The following IST1 variants were observed in gnomAD, a reference collection of about 807,000 sequenced individuals.
IST1 encodes IST1 homolog.
In IST1, 23 loss-of-function variants were observed where a neutral mutation model predicts 37.0. That is an observed-to-expected ratio of 0.62 (90% CI 0.45 to 0.88). IST1 has a LOEUF of 0.88. Among genes scored for constraint, IST1 ranks in the 40% least tolerant of loss-of-function variants. The probability of loss-of-function intolerance (pLI) is 0.00; values close to 1 mark genes in which losing one functional copy is unlikely to be tolerated. For synonymous variants in IST1, 180 were observed against 161.7 expected, an observed-to-expected ratio of 1.11 and a Z score of -0.86; for missense variants, 488 against 445.4, an observed-to-expected ratio of 1.10 and a Z score of -0.86.
chr16:71,898,460 G>A (rs2037027866), intron 1 of IST1, among the ~76,000 whole-genome samples: 2 of 151,642 alleles, frequency 1.3e-5, no homozygotes, highest in Non-Finnish European at 2.9e-5. Flanking sequence ...GAGGTGAACG[G>A]ATCATGTGAG....
In IST1 at chr16:71,927,850, T is replaced by C; in HGVS notation, c.*37T>C. The C allele has an allele frequency of 8.5e-6, 12 of 1,411,542 alleles. No individual in the cohort carries two copies. The highest frequency in any genetic ancestry group is 1.2e-5 in the Non-Finnish European group (12 of 1,001,464). The allele number at this position is 1,411,542 out of a possible 1,614,324, so 87.4% of individuals were successfully genotyped here. A position where few individuals can be genotyped will look rare whatever the true frequency, so the allele number is the denominator to read the frequency against. Reference sequence around the variant, plus strand: ...CAGGCAACTTTCACGTTTTGGGAGTTGAGACTGAGCAATTTCTCCTTGTAA... The same window carrying C: ...CAGGCAACTTTCACGTTTTGGGAGTCGAGACTGAGCAATTTCTCCTTGTAA... On this transcript the variant is annotated 3_prime_UTR_variant, in exon 10 of 10. Transcript: ENST00000378799.
upstream of IST1, chr16:71,894,739 G>T: frequency 1.5e-6 from 1 of 662,496 alleles, no homozygotes; most frequent in Non-Finnish European, 2.5e-6. Flanking sequence ...TTTCACTATG[G>T]TGTCCAGGCT....
rs546378537 is a variant in IST1 at position 71,908,534 on chromosome 16, G to A, written c.-15-7092G>A. 1.2e-4 allele frequency among the ~76,000 whole-genome samples: 18 copies of A among 152,154 alleles called. No individual in the cohort carries two copies. The East Asian group carries it at 3.5e-3, about 29-fold the overall frequency. ...CTGGTCTCGAATACCACCCGCCTTG[G>A]CCTCCCACAGTGTTGGGATTACAGG... On this transcript the variant is annotated intron_variant, in intron 1 of 9. Coordinates refer to ENST00000378799, the MANE Select transcript of IST1 (RefSeq NM_001270975.2).
In IST1 at chr16:71,922,749, C is replaced by T. The variant is rs1431891933; in HGVS notation, c.759+69C>T. 4.8e-5 allele frequency: 62 copies of T among 1,293,088 alleles called. 1 individual carries two copies. Among genetic ancestry groups the T allele is most frequent in the Non-Finnish European group, 6.3e-5 (58 of 913,674 alleles). The allele number at this position is 1,293,088 out of a possible 1,614,324, so 80.1% of individuals were successfully genotyped here. A position where few individuals can be genotyped will look rare whatever the true frequency, so the allele number is the denominator to read the frequency against. On this transcript the variant is annotated intron_variant, in intron 7 of 9. Coordinates refer to ENST00000378799, the MANE Select transcript of IST1 (RefSeq NM_001270975.2). ...AGATAACAAGTTGGCTCTGTGAACA[C>T]ACTCAGGAATCATAGGTTGTCAGGA...
chr16:71,898,662 TAAAAAAAA>T (rs60932200), intron 1 of IST1, among the ~76,000 whole-genome samples: 1 of 130,928 alleles, frequency 7.6e-6, no homozygotes, highest in Non-Finnish European at 1.6e-5. Context: ...GACTCTGTCT[TAAAAAAAA>T]AAAAAAAACA....
chr16:71,921,477 GAA>G (rs1453735791), intron 6 of IST1, 24 bp downstream of exon 6: 3 of 1,427,380 alleles, frequency 2.1e-6, no homozygotes, highest in African/African-American at 2.8e-5. Flanking sequence ...AGAATACAAA[GAA>G]AAATGAGTTT....
intron 1 of IST1, among the ~76,000 whole-genome samples, chr16:71,907,578 C>T (rs2037254775): frequency 1.3e-5 from 2 of 151,736 alleles, no homozygotes; most frequent in African/African-American, 4.8e-5. Context: ...CGCCTGGCCC[C>T]CTTATAGGAT....
At chr16:71,894,596 GT>G (rs2142506864), upstream of IST1, 1 of 479,076 alleles carries the variant, frequency 2.1e-6, no homozygotes, top group African/African-American at 2.0e-5. Context: ...CGTGATCACG[GT>G]TTACTGCAGC....
chr16:71,919,484 A>T (rs949393275), intron 4 of IST1, among the ~76,000 whole-genome samples: 2 of 152,210 alleles, frequency 1.3e-5, no homozygotes, highest in African/African-American at 4.8e-5. Context: ...CCTGGGCTCA[A>T]CTGATCATCC....
rs1948838012 is a variant in IST1 at position 71,930,436 on chromosome 16, A to AT, written c.*2625dup. ...AAGAAAACAGGTGAGTTGCAGTGGA[A>AT]TTGGAAATGATTCAAATGTCACATG... On this transcript the variant is annotated 3_prime_UTR_variant, in exon 10 of 10. Coordinates refer to ENST00000378799, the MANE Select transcript of IST1 (RefSeq NM_001270975.2). The AT allele has an allele frequency of 3.2e-6, 1 of 312,150 alleles. No homozygotes were observed. Among genetic ancestry groups the AT allele is most frequent in the Admixed American group, 4.8e-5 (1 of 20,812 alleles). The allele number at this position is 312,150 out of a possible 1,614,324, so 19.3% of individuals were successfully genotyped here.
intron 1 of IST1, among the ~76,000 whole-genome samples, chr16:71,906,064 T>A (rs1420417270): frequency 2.0e-5 from 3 of 148,564 alleles, no homozygotes; most frequent in Non-Finnish European, 4.4e-5. Context: ...AGTGCAGTGG[T>A]GCCATCTCGG....
At chr16:71,895,693 C>A in intron 1 of IST1, 104 bp downstream of exon 1, 1 of 311,170 alleles carries the variant, frequency 3.2e-6, no homozygotes, top group Non-Finnish European at 4.7e-6. Flanking sequence ...ATTCAAACGA[C>A]TTCGGAGGGG....
chr16:71,924,120 T>C, intron 8 of IST1: 1 of 456,064 alleles, frequency 2.2e-6, no homozygotes, highest in Non-Finnish European at 4.4e-6. Context: ...GCCTGAGTTT[T>C]TCTTATGCTT....
At position 71,923,313 on chromosome 16, in the gene IST1, G is replaced by GGACTT; in HGVS notation, c.786_790dup (p.Tyr264Ter). The GGACTT allele has an allele frequency of 6.2e-7, 1 of 1,611,280 alleles. No homozygotes were observed. The highest frequency in any genetic ancestry group is 8.5e-7 in the Non-Finnish European group (1 of 1,177,912). On this transcript the variant is annotated frameshift_variant, in exon 8 of 10. Coordinates refer to ENST00000378799, the MANE Select transcript of IST1 (RefSeq NM_001270975.2). LOFTEE classifies it high-confidence loss of function. Reference sequence around the variant, plus strand: ...TCAGATTTCAATGGACTGCCAATGGGGACTTATCAGGCCTTTCCCAATATT... The same window carrying GGACTT: ...TCAGATTTCAATGGACTGCCAATGGGGACTTGACTTATCAGGCCTTTCCCAATATT...
intron 4 of IST1, among the ~76,000 whole-genome samples, chr16:71,919,323 T>C (rs2037530091): frequency 6.9e-6 from 1 of 145,374 alleles, no homozygotes; most frequent in Non-Finnish European, 1.6e-5. Flanking sequence ...GCCAGAGGCC[T>C]TTGCACTGCT....
chr16:71,925,430 C>T (rs1250643270), intron 9 of IST1, among the ~76,000 whole-genome samples: 5 of 151,522 alleles, frequency 3.3e-5, no homozygotes, highest in African/African-American at 1.2e-4. Flanking sequence ...TATTCTCCTG[C>T]CTCACCTCTT....
chr16:71,924,574 G>A (rs1295312848), intron 8 of IST1, 195 bp from the exon 9 acceptor site: 2 of 604,276 alleles, frequency 3.3e-6, no homozygotes, highest in Admixed American at 5.8e-5. Flanking sequence ...CTGGGTGACA[G>A]GAGACCCTGT....
rs547955118 is a variant in IST1, at chr16:71,927,721, A to G, written c.1009A>G (p.Thr337Ala). 751 of 1,613,414 alleles carry G rather than the reference A, an allele frequency of 4.7e-4. 11 individuals are homozygous for G. In the South Asian group the frequency reaches 7.6e-3, roughly 16 times the overall value. Residue 337 changes from threonine (T) to alanine (A), a missense_variant, in exon 10 of 10, where the codon ACT (threonine) becomes GCT (alanine). Around this residue, in one of 2 missense-constraint regions of IST1, gnomAD observed 455 missense variants for 386.2 expected, o/e 1.18. Coordinates refer to ENST00000378799, the MANE Select transcript of IST1 (RefSeq NM_001270975.2). ...GCCATCTGTGCCAGACACACTACCA[A>G]CTGCATCTGCTGGTGCCAGCACCTC... Reference protein sequence around the residue: ...ELPSVPDTLPTASAGASTSAS... With the variant: ...ELPSVPDTLPAASAGASTSAS...
Position 71,930,131 on chromosome 16 carries a change from A to G in IST1, c.*2318A>G, listed in dbSNP as rs751741055. On this transcript the variant is annotated 3_prime_UTR_variant, in exon 10 of 10. Coordinates refer to ENST00000378799, the MANE Select transcript of IST1 (RefSeq NM_001270975.2). ...ATTAATTACCACAAGTACCATCAAGATGACACTGGTGAGGATCAGAAAGGT... is the reference window on the plus strand; with the variant it reads ...ATTAATTACCACAAGTACCATCAAGGTGACACTGGTGAGGATCAGAAAGGT... 3 of 1,551,722 alleles carry G rather than the reference A, an allele frequency of 1.9e-6. No homozygotes were observed. Among genetic ancestry groups the G allele is most frequent in the African/African-American group, 1.4e-5 (1 of 73,168 alleles).
Sources: gnomAD v4.1 joint callset for allele counts (sites outside exome capture counted in the v4.1 genomes callset) on GRCh38, gnomAD v4.1.1 for gene constraint, gnomAD v4.1.1 regional missense constraint, MANE v1.5 for transcripts, NCBI Gene and HGNC (gene_info 2026-07-23, HGNC 2026-07-21) for gene names.